The following ROBO1 variants were observed in gnomAD, a reference collection of about 807,000 sequenced individuals.
ROBO1 encodes the protein roundabout homolog 1.
A neutral mutation model predicts 195.9 loss-of-function variants in ROBO1; 149 were observed. The ratio of observed to expected loss-of-function variants is 0.76; its 90% CI spans 0.67 to 0.87. The LOEUF is 0.87. ROBO1 is among the 40% of genes least tolerant of loss of function. The probability of loss-of-function intolerance (pLI) is 0.00; values close to 1 mark genes in which losing one functional copy is unlikely to be tolerated. For synonymous variants in ROBO1, 816 were observed against 733.2 expected (o/e 1.11, Z -1.82); for missense variants, 1,933 against 2,068.3 (o/e 0.93, Z 1.27).
chr3:79,678,102 G>A (rs1946839182), intron 1 of ROBO1, among the ~76,000 whole-genome samples: 1 of 152,008 alleles, frequency 6.6e-6, no homozygotes, highest in South Asian at 2.1e-4. Flanking sequence ...TTCACAGAGA[G>A]AATATTCTAG....
At chr3:79,572,686 A>T (rs1257589184) in intron 2 of ROBO1, among the ~76,000 whole-genome samples, 3 of 152,196 alleles carry the variant, frequency 2.0e-5, no homozygotes, top group Non-Finnish European at 2.9e-5. Flanking sequence ...CAAGTTAAGG[A>T]AGAAGTAGTA....
intron 2 of ROBO1, among the ~76,000 whole-genome samples, chr3:79,462,267 G>A (rs1027441180): frequency 6.6e-6 from 1 of 152,040 alleles, no homozygotes; most frequent in Admixed American, 6.6e-5. Context: ...CAGATGCAAC[G>A]GGGCAGAAAG....
chr3:78,772,285 C>A (rs2083394872), intron 4 of ROBO1, among the ~76,000 whole-genome samples: 1 of 152,012 alleles, frequency 6.6e-6, no homozygotes, highest in African/African-American at 2.4e-5. Context: ...TAATATTTAA[C>A]AAACACATTT....
At chr3:78,694,917 C>T (rs916003533) in intron 8 of ROBO1, among the ~76,000 whole-genome samples, 1 of 151,926 alleles carries the variant, frequency 6.6e-6, no homozygotes, top group Non-Finnish European at 1.5e-5. Flanking sequence ...GAAATGATTC[C>T]TAAATATTTT....
chr3:78,934,638 A>G (rs1294754934), intron 4 of ROBO1, among the ~76,000 whole-genome samples: 1 of 152,012 alleles, frequency 6.6e-6, no homozygotes, highest in Non-Finnish European at 1.5e-5. Flanking sequence ...AGTTAGTTCT[A>G]AGCTACGGTG....
chr3:79,744,952 T>C (rs1304108273), intron 1 of ROBO1, among the ~76,000 whole-genome samples: 1 of 152,068 alleles, frequency 6.6e-6, no homozygotes, highest in Non-Finnish European at 1.5e-5. Flanking sequence ...TAAAAGTGAA[T>C]GCTTTAAATG....
intron 2 of ROBO1, among the ~76,000 whole-genome samples, chr3:79,291,814 C>T (rs931719893): frequency 6.6e-6 from 1 of 152,120 alleles, no homozygotes; most frequent in Non-Finnish European, 1.5e-5. Flanking sequence ...TGATAGCCCA[C>T]CATAAATGGC....
At chr3:78,692,003 A>AT in intron 8 of ROBO1, among the ~76,000 whole-genome samples, 1 of 151,530 alleles carries the variant, frequency 6.6e-6, no homozygotes, top group Non-Finnish European at 1.5e-5. Flanking sequence ...CTATTTAGGC[A>AT]TTTTTGTTGT....
chr3:79,740,350 T>C (rs1703589070), intron 1 of ROBO1, among the ~76,000 whole-genome samples: 2 of 151,624 alleles, frequency 1.3e-5, no homozygotes, highest in Admixed American at 1.3e-4. Context: ...CATTAATAAA[T>C]GCCAGTACAT....
intron 1 of ROBO1, among the ~76,000 whole-genome samples, chr3:79,707,468 G>A (rs1018522180): frequency 6.6e-6 from 1 of 151,758 alleles, no homozygotes; most frequent in Admixed American, 6.6e-5. Context: ...CTTTTTCTCT[G>A]TTGATTCCCT....
chr3:79,711,928 T>TG (rs201361807), intron 1 of ROBO1, among the ~76,000 whole-genome samples: 1,795 of 14,904 alleles, frequency 0.12, 49 homozygotes, highest in African/African-American at 0.25. Context: ...GATGGGCGGG[T>TG]GGGTGGGGGA....
At chr3:79,642,373 C>G (rs542083053) in intron 1 of ROBO1, among the ~76,000 whole-genome samples, 1 of 152,204 alleles carries the variant, frequency 6.6e-6, no homozygotes, top group Non-Finnish European at 1.5e-5. Context: ...GAAATGGTAA[C>G]AGAAAACTTT....
chr3:79,721,365 A>T (rs1479052608), intron 1 of ROBO1, among the ~76,000 whole-genome samples: 1 of 150,734 alleles, frequency 6.6e-6, no homozygotes, highest in Non-Finnish European at 1.5e-5. Flanking sequence ...TTTATATCAT[A>T]AAAAAACTAA....
At chr3:79,380,661 G>A (rs1387665) in intron 2 of ROBO1, among the ~76,000 whole-genome samples, 76,571 of 151,722 alleles carry the variant, frequency 0.5, 19,454 homozygotes, top group African/African-American at 0.56. Context: ...TCCACTGATC[G>A]TCCGAATTAA....
At chr3:79,728,144 C>A (rs1702997155) in intron 1 of ROBO1, among the ~76,000 whole-genome samples, 1 of 136,950 alleles carries the variant, frequency 7.3e-6, no homozygotes, top group Admixed American at 7.4e-5. Context: ...ATCCCCCCCC[C>A]CACAGGAAAT....
chr3:79,018,980 G>A, intron 3 of ROBO1: 1 of 990,056 alleles, frequency 1.0e-6, no homozygotes, highest in Non-Finnish European at 1.2e-6. Flanking sequence ...CAAAGTAGAA[G>A]CAGCAGCTCC....
At chr3:79,467,005 T>A (rs1287470860) in intron 2 of ROBO1, among the ~76,000 whole-genome samples, 1 of 152,068 alleles carries the variant, frequency 6.6e-6, no homozygotes, top group Non-Finnish European at 1.5e-5. Flanking sequence ...TGAAGGCTAG[T>A]AATACCAACC....
At chr3:79,198,219 G>A (rs1337297967) in intron 2 of ROBO1, among the ~76,000 whole-genome samples, 1 of 152,044 alleles carries the variant, frequency 6.6e-6, no homozygotes, top group African/African-American at 2.4e-5. Context: ...TTTGTATAAG[G>A]TGTAAGGAAG....
In ROBO1 at chr3:78,841,489, G is replaced by A. The variant is rs1248907261; in HGVS notation, c.500-94589C>T. On this transcript the variant is annotated intron_variant, in intron 4 of 30. Coordinates refer to ENST00000464233, the MANE Select transcript of ROBO1 (RefSeq NM_002941.4). ...ATGATTAATCAGCAGAGCAGTTACA[G>A]TGCCCAGAATTATTGACAATTGACT... is the stretch of plus-strand genomic sequence containing the variant. 3.9e-5 allele frequency among the ~76,000 whole-genome samples: 6 copies of A among 152,166 alleles called. No homozygotes were observed. The East Asian group carries it at 9.6e-4, about 24-fold the overall frequency.
Sources: gnomAD v4.1 joint callset for allele counts (sites outside exome capture counted in the v4.1 genomes callset) on GRCh38, gnomAD v4.1.1 for gene constraint, MANE v1.5 for transcripts, NCBI Gene and HGNC (gene_info 2026-07-23, HGNC 2026-07-21) for gene names.